Variants in LRRFIP1 observed in about 807,000 individuals in gnomAD.
The protein encoded by LRRFIP1 is leucine-rich repeat flightless-interacting protein 1.
LRRFIP1 carries 62 observed loss-of-function variants against 104.4 expected under a neutral mutation model. The ratio of observed to expected loss-of-function variants is 0.59; its 90% CI spans 0.48 to 0.73. LRRFIP1 has a LOEUF of 0.73. Ranked by LOEUF, LRRFIP1 falls within the 30% of genes least tolerant of loss-of-function variation. The probability of loss-of-function intolerance (pLI) is 0.00; values close to 1 mark genes in which losing one functional copy is unlikely to be tolerated. For synonymous variants in LRRFIP1, 300 were observed against 299.0 expected, an observed-to-expected ratio of 1.00 and a Z score of -0.03; for missense variants, 796 against 824.5, an observed-to-expected ratio of 0.97 and a Z score of 0.42.
intron 1 of LRRFIP1, among the ~76,000 whole-genome samples, chr2:237,640,876 T>C (rs1351783053): frequency 6.6e-6 from 1 of 152,038 alleles, no homozygotes; most frequent in African/African-American, 2.4e-5. Flanking sequence ...TTCCAACCCC[T>C]GGCCTCTCTT....
chr2:237,640,864 C>A (rs929592790), intron 1 of LRRFIP1, among the ~76,000 whole-genome samples: 1 of 152,168 alleles, frequency 6.6e-6, no homozygotes, highest in African/African-American at 2.4e-5. Context: ...AAAGACTCCC[C>A]CTTCCAACCC....
intron 7 of LRRFIP1, 66 bp downstream of exon 7, chr2:237,723,652 G>A (rs1047488812): frequency 6.3e-7 from 1 of 1,579,778 alleles, no homozygotes; most frequent in African/African-American, 1.3e-5. Flanking sequence ...ATAACCTGTG[G>A]TATTTCCACG....
At chr2:237,689,962 ACTCCAG>A in intron 1 of LRRFIP1, among the ~76,000 whole-genome samples, 2 of 152,080 alleles carry the variant, frequency 1.3e-5, no homozygotes, top group South Asian at 2.1e-4. Flanking sequence ...TTTGGGTAAG[ACTCCAG>A]GCACAGAAGC....
chr2:237,672,898 C>A (rs763608952), intron 1 of LRRFIP1, among the ~76,000 whole-genome samples: 4 of 152,202 alleles, frequency 2.6e-5, no homozygotes, highest in Non-Finnish European at 4.4e-5. Context: ...AGCTAAGCCA[C>A]AAAATACTGA....
chr2:237,751,310 C>A, intron 14 of LRRFIP1, 39 bp downstream of exon 14: 2 of 1,436,664 alleles, frequency 1.4e-6, no homozygotes, highest in Non-Finnish European at 1.9e-6. Context: ...GATATTAACC[C>A]AACTTAACTT....
intron 1 of LRRFIP1, among the ~76,000 whole-genome samples, chr2:237,645,808 A>T (rs3795906): frequency 0.51 from 76,985 of 151,672 alleles, 20,277 homozygotes; most frequent in African/African-American, 0.6. Flanking sequence ...GAGCAGACTA[A>T]GAAAGATGAA....
intron 10 of LRRFIP1, among the ~76,000 whole-genome samples, chr2:237,738,649 G>A (rs564767993): frequency 6.6e-6 from 1 of 152,330 alleles, no homozygotes; most frequent in East Asian, 1.9e-4. Context: ...TCGAGTTGCT[G>A]GTATTTTCCT....
chr2:237,642,765 G>A (rs1366959912), intron 1 of LRRFIP1, among the ~76,000 whole-genome samples: 1 of 152,134 alleles, frequency 6.6e-6, no homozygotes, highest in African/African-American at 2.4e-5. Context: ...CCAGGCTAAG[G>A]GTTTCAGTTG....
In LRRFIP1 at chr2:237,769,963, G is replaced by C. The variant is rs771620916; in HGVS notation, c.1480G>C (p.Val494Leu). Residue 494 changes from valine to leucine, a missense_variant, in exon 20 of 24, where the codon GTT becomes CTT. Coordinates refer to ENST00000308482, the MANE Select transcript of LRRFIP1 (RefSeq NM_001137550.2). ...TTTAGATATTAGGTTGAAAAAGCTG[G>C]TTGATGAACGGGAATGCTTATTGGA... ...GTLDIRLKKL[V>L]DERECLLEQI... is the part of the protein sequence containing the mutation. 6.2e-7 allele frequency: 1 copy of C among 1,605,278 alleles called. No homozygotes were observed. Among genetic ancestry groups the C allele is most frequent in the Non-Finnish European group, 8.5e-7 (1 of 1,175,306 alleles).
chr2:237,651,623 C>T (rs2085949098), intron 1 of LRRFIP1, among the ~76,000 whole-genome samples: 1 of 152,170 alleles, frequency 6.6e-6, no homozygotes, highest in Non-Finnish European at 1.5e-5. Flanking sequence ...TCACTTGTTC[C>T]TCTCTCCTCT....
intron 1 of LRRFIP1, among the ~76,000 whole-genome samples, chr2:237,686,259 T>C (rs1389778930): frequency 6.6e-6 from 1 of 152,180 alleles, no homozygotes; most frequent in Admixed American, 6.5e-5. Context: ...TCACCTTCCT[T>C]AGAAAATCTA....
intron 1 of LRRFIP1, among the ~76,000 whole-genome samples, chr2:237,681,633 C>A (rs2091828045): frequency 6.8e-6 from 1 of 147,770 alleles, no homozygotes; most frequent in East Asian, 2.0e-4. Context: ...TCCCAAAGTA[C>A]TGGGATTACA....
chr2:237,778,169 GCTTGATTTTAATT>G, intron 23 of LRRFIP1, among the ~76,000 whole-genome samples: 1 of 152,138 alleles, frequency 6.6e-6, no homozygotes, highest in Non-Finnish European at 1.5e-5. Flanking sequence ...GTGAGCTTAT[GCTTGATTTTAATT>G]TGTAGGAATA....
In LRRFIP1 at chr2:237,748,329, A is replaced by G. The variant is rs200219249; in HGVS notation, c.634-35A>G. On this transcript the variant is annotated intron_variant, in intron 11 of 23. Transcript: ENST00000308482. Reference sequence around the variant, plus strand: ...TTCATGTTATCCATTTAATGCTTTTAAAGTATTTAATATTTTGTCTGTTTT... The same window carrying G: ...TTCATGTTATCCATTTAATGCTTTTGAAGTATTTAATATTTTGTCTGTTTT... 7.5e-5 allele frequency: 111 copies of G among 1,475,168 alleles called. No homozygotes were observed. The East Asian group carries it at 2.4e-3, about 32-fold the overall frequency. The allele number at this position is 1,475,168 out of a possible 1,614,324, so 91.4% of individuals were successfully genotyped here.
Position 237,733,800 on chromosome 2 carries a change from G to C in LRRFIP1, c.471G>C (p.Arg157=), listed in dbSNP as rs2095122005. 4 of 1,613,884 alleles carry C rather than the reference G, an allele frequency of 2.5e-6. No homozygotes were observed. Among genetic ancestry groups the C allele is most frequent in the African/African-American group, 1.3e-5 (1 of 74,936 alleles). The change falls in exon 9 of 24, where the codon CGG becomes CGC. Residue 157 remains arginine, a synonymous_variant. Coordinates refer to ENST00000308482, the MANE Select transcript of LRRFIP1 (RefSeq NM_001137550.2). ...CCTCCTGTCTGTACAGCGCTGCCCG[G>C]CCTTCGGGGAGTTACCGGGTGCGTG... The part of the protein sequence containing the change: ...GRPSCLYSAA[R]PSGSYRASVL...
chr2:237,777,742 A>G (rs1224867878), intron 23 of LRRFIP1, among the ~76,000 whole-genome samples: 4 of 152,134 alleles, frequency 2.6e-5, no homozygotes, highest in Non-Finnish European at 4.4e-5. Context: ...TTGATTTTGG[A>G]AAATATTCAA....
intron 1 of LRRFIP1, among the ~76,000 whole-genome samples, chr2:237,690,744 A>AG (rs2092702029): frequency 1.3e-5 from 2 of 151,994 alleles, no homozygotes; most frequent in African/African-American, 2.4e-5. Context: ...CTCAAAAAAA[A>AG]AAAAAAGAAA....
intron 1 of LRRFIP1, among the ~76,000 whole-genome samples, chr2:237,687,000 G>A (rs1212446538): frequency 6.6e-6 from 1 of 152,240 alleles, no homozygotes; most frequent in Non-Finnish European, 1.5e-5. Flanking sequence ...ACAGCTAAGG[G>A]CATTCGTTGA....
At chr2:237,695,302 AC>A (rs149857846) in intron 1 of LRRFIP1, among the ~76,000 whole-genome samples, 1 of 152,126 alleles carries the variant, frequency 6.6e-6, no homozygotes, top group Non-Finnish European at 1.5e-5. Flanking sequence ...ATTTCAAAAA[AC>A]CCTGCAGTCT....
Sources: allele counts gnomAD v4.1 joint callset (sites outside exome capture counted in the v4.1 genomes callset), GRCh38; gene constraint gnomAD v4.1.1; transcripts MANE v1.5; gene names NCBI Gene and HGNC (gene_info 2026-07-23, HGNC 2026-07-21).